Variants in PDZRN3 observed in about 807,000 individuals in gnomAD.
PDZRN3 encodes PDZ domain containing ring finger 3.
PDZRN3 carries 38 observed loss-of-function variants against 85.7 expected under a neutral mutation model. That is an observed-to-expected ratio of 0.44 (90% CI 0.34 to 0.58). PDZRN3 has a LOEUF of 0.58. Ranked by LOEUF, PDZRN3 falls within the 20% of genes least tolerant of loss-of-function variation. The probability of loss-of-function intolerance (pLI) is 0.01; values close to 1 mark genes in which losing one functional copy is unlikely to be tolerated. For synonymous variants in PDZRN3, 759 were observed against 638.0 expected (o/e 1.19, Z -2.86); for missense variants, 1,629 against 1,506.4 (o/e 1.08, Z -1.35).
chr3:73,612,588 G>A (rs1487288236), intron 1 of PDZRN3, among the ~76,000 whole-genome samples: 3 of 152,198 alleles, frequency 2.0e-5, no homozygotes, highest in African/African-American at 7.2e-5. Flanking sequence ...ATCTGGCAAG[G>A]AAGCAGAGAA....
chr3:73,490,873 A>G (rs998201032), intron 3 of PDZRN3, among the ~76,000 whole-genome samples: 1 of 152,222 alleles, frequency 6.6e-6, no homozygotes, highest in Non-Finnish European at 1.5e-5. Context: ...CAAAGAAAAC[A>G]GTGTCCAAGG....
At chr3:73,472,953 C>A (rs1023705222) in intron 3 of PDZRN3, among the ~76,000 whole-genome samples, 2 of 152,162 alleles carry the variant, frequency 1.3e-5, no homozygotes, top group African/African-American at 2.4e-5. Flanking sequence ...TTACTGCATT[C>A]TTTGTCTGTT....
intron 1 of PDZRN3, chr3:73,621,621 G>C (rs1702862683): frequency 6.6e-6 from 1 of 152,172 alleles, no homozygotes; most frequent in African/African-American, 2.4e-5. Flanking sequence ...TCGGGGCAAG[G>C]AGAGACAGCA....
rs199688323 is a variant in PDZRN3, at chr3:73,404,246, C to T, written c.1068G>A (p.Thr356=). ...TPPSESQLVD[T]GTQTDITFEH... is the part of the protein sequence containing the mutation. ...CAAAGGTGATGTCGGTTTGGGTTCC[C>T]GTGTCCACCAGCTGAGACTCTGATG... is the stretch of plus-strand genomic sequence containing the variant. The change falls in exon 4 of 10, where the codon ACG becomes ACA. Residue 356 remains threonine, a synonymous_variant. Coordinates refer to ENST00000263666, the MANE Select transcript of PDZRN3 (RefSeq NM_015009.3). The T allele has an allele frequency of 4.2e-5, 68 of 1,614,078 alleles. No individual in the cohort carries two copies. The highest frequency in any genetic ancestry group is 5.1e-5 in the Non-Finnish European group (60 of 1,180,028).
intron 3 of PDZRN3, among the ~76,000 whole-genome samples, chr3:73,429,606 C>T (rs909229490): frequency 3.3e-5 from 5 of 152,170 alleles, no homozygotes; most frequent in African/African-American, 1.2e-4. Flanking sequence ...ATCCAACTGG[C>T]TATGAGATTG....
intron 3 of PDZRN3, among the ~76,000 whole-genome samples, chr3:73,551,735 C>T (rs564289688): frequency 6.0e-5 from 9 of 151,258 alleles, no homozygotes; most frequent in African/African-American, 2.2e-4. Context: ...ATAATTATTT[C>T]CCCACTTCTA....
At chr3:73,569,081 G>T in intron 3 of PDZRN3, 1 of 921,722 alleles carries the variant, frequency 1.1e-6, no homozygotes, top group Non-Finnish European at 1.5e-6. Flanking sequence ...CAAAGTATGT[G>T]CTGCAGCTGA....
intron 3 of PDZRN3, among the ~76,000 whole-genome samples, chr3:73,571,658 C>T (rs1184813611): frequency 6.6e-6 from 1 of 152,198 alleles, no homozygotes; most frequent in Non-Finnish European, 1.5e-5. Context: ...AAAGCCGCAG[C>T]TGCCGGGGTG....
intron 3 of PDZRN3, among the ~76,000 whole-genome samples, chr3:73,543,817 A>G (rs1701344068): frequency 6.6e-6 from 1 of 152,240 alleles, no homozygotes; most frequent in Admixed American, 6.5e-5. Flanking sequence ...CCAACAAGCA[A>G]AAAGGGTGTT....
chr3:73,444,521 T>C (rs994393430), intron 3 of PDZRN3, among the ~76,000 whole-genome samples: 1 of 152,210 alleles, frequency 6.6e-6, no homozygotes, highest in Non-Finnish European at 1.5e-5. Context: ...TTACCGTGAT[T>C]AATCAACAAG....
chr3:73,525,503 C>T (rs1327509738), intron 3 of PDZRN3, among the ~76,000 whole-genome samples: 2 of 152,156 alleles, frequency 1.3e-5, no homozygotes, highest in African/African-American at 4.8e-5. Context: ...GGCTGAATCC[C>T]TTTCATGTTC....
At chr3:73,401,388 G>C (rs1701746283) in intron 4 of PDZRN3, among the ~76,000 whole-genome samples, 1 of 152,142 alleles carries the variant, frequency 6.6e-6, no homozygotes, top group Non-Finnish European at 1.5e-5. Flanking sequence ...TCTCTGCAGA[G>C]AACTAGGCTC....
At chr3:73,486,591 T>C (rs184138939) in intron 3 of PDZRN3, among the ~76,000 whole-genome samples, 25 of 152,328 alleles carry the variant, frequency 1.6e-4, no homozygotes, top group Admixed American at 1.2e-3. Flanking sequence ...TGCCGCTGAA[T>C]TGTACATTTA....
At chr3:73,529,786 T>C (rs982935567) in intron 3 of PDZRN3, among the ~76,000 whole-genome samples, 1 of 152,174 alleles carries the variant, frequency 6.6e-6, no homozygotes, top group Non-Finnish European at 1.5e-5. Context: ...AAAACAAACA[T>C]CAGCCAGGCT....
chr3:73,387,743 A>T (rs946770952), intron 8 of PDZRN3, among the ~76,000 whole-genome samples: 8 of 152,130 alleles, frequency 5.3e-5, no homozygotes, highest in African/African-American at 1.9e-4. Flanking sequence ...TCCCTGCATT[A>T]ATGAACGTCG....
At chr3:73,427,870 A>G (rs1188368051) in intron 3 of PDZRN3, among the ~76,000 whole-genome samples, 1 of 152,176 alleles carries the variant, frequency 6.6e-6, no homozygotes, top group Admixed American at 6.5e-5. Context: ...GGGGTTGAAA[A>G]CAGGTGATAA....
intron 3 of PDZRN3, among the ~76,000 whole-genome samples, chr3:73,598,754 G>A (rs142197284): frequency 6.6e-6 from 1 of 152,164 alleles, no homozygotes; most frequent in African/African-American, 2.4e-5. Context: ...AACCCAAATA[G>A]GGGACATCAT....
At position 73,480,322 on chromosome 3, in the gene PDZRN3, A is replaced by G. The variant is rs535863663; in HGVS notation, c.919-75927T>C. 3.9e-5 allele frequency among the ~76,000 whole-genome samples: 6 copies of G among 152,074 alleles called. 1 individual carries two copies. Among genetic ancestry groups the G allele is most frequent in the African/African-American group, 1.2e-4 (5 of 41,490 alleles). On this transcript the variant is annotated intron_variant, in intron 3 of 9. Coordinates refer to ENST00000263666, the MANE Select transcript of PDZRN3 (RefSeq NM_015009.3). Reference sequence around the variant, plus strand: ...GGGCCCTTTGTGATCTGGTTTTAACACCTCCCTTGACCCTCCATATTCTGA... The same window carrying G: ...GGGCCCTTTGTGATCTGGTTTTAACGCCTCCCTTGACCCTCCATATTCTGA...
At chr3:73,386,226 C>CTTTTTTTTT (rs71126867) in intron 8 of PDZRN3, among the ~76,000 whole-genome samples, 3,995 of 90,418 alleles carry the variant, frequency 0.044, 729 homozygotes, top group African/African-American at 0.14. Flanking sequence ...CAAGATATCA[C>CTTTTTTTTT]TTTTTTTTTT....
Sources: gnomAD v4.1 joint callset for allele counts (sites outside exome capture counted in the v4.1 genomes callset) on GRCh38, gnomAD v4.1.1 for gene constraint, MANE v1.5 for transcripts, NCBI Gene and HGNC (gene_info 2026-07-23, HGNC 2026-07-21) for gene names.